The following SLMAP variants were observed in gnomAD, a reference collection of about 807,000 sequenced individuals.
SLMAP encodes sarcolemma associated protein.
In SLMAP, 44 loss-of-function variants were observed where a neutral mutation model predicts 128.8. The observed-to-expected ratio is 0.34, with a 90% CI of 0.27 to 0.44. The LOEUF is 0.44. SLMAP is among the 20% of genes least tolerant of loss of function. The pLI is 1.00. For synonymous variants in SLMAP, 327 were observed against 348.8 expected (o/e 0.94, Z 0.70); for missense variants, 787 against 985.3 (o/e 0.80, Z 2.69).
chr3:57,896,196 G>T, intron 15 of SLMAP: 1 of 1,045,586 alleles, frequency 9.6e-7, no homozygotes, highest in Non-Finnish European at 1.2e-6. Context: ...TACTATATTT[G>T]TTGCAGTTCT....
At chr3:57,865,472 A>G (rs557609864) in intron 13 of SLMAP, among the ~76,000 whole-genome samples, 180 bp downstream of exon 13, 5 of 152,290 alleles carry the variant, frequency 3.3e-5, no homozygotes, top group Non-Finnish European at 5.9e-5. Context: ...GCTGTGATCA[A>G]TTCTTAGATA....
At chr3:57,912,250 A>G in intron 19 of SLMAP, 131 bp from the exon 20 acceptor site, 1 of 668,628 alleles carries the variant, frequency 1.5e-6, no homozygotes, top group Non-Finnish European at 2.5e-6. Flanking sequence ...TTCTGCATCA[A>G]ACGTGGATTG....
At chr3:57,800,827 G>C (rs1203841066) in intron 2 of SLMAP, 1 of 168,516 alleles carries the variant, frequency 5.9e-6, no homozygotes, top group African/African-American at 2.4e-5. Flanking sequence ...CCACAAAGCG[G>C]CTATATTGTA....
At position 57,828,075 on chromosome 3, in the gene SLMAP, C is replaced by G. The variant is rs562408777; in HGVS notation, c.199-3308C>G. Among the ~76,000 whole-genome samples, 218 of 152,318 alleles carry G rather than the reference C, an allele frequency of 1.4e-3. 1 individual carries two copies. Among genetic ancestry groups the G allele is most frequent in the South Asian group, 4.1e-3 (20 of 4,824 alleles). On this transcript the variant is annotated intron_variant, in intron 2 of 24. Coordinates refer to ENST00000671191, the MANE Select transcript of SLMAP (RefSeq NM_001377540.1). The stretch of plus-strand genomic sequence containing the variant: ...GCAATTCTCCTGTCTCAGCCCCTCA[C>G]TGCCGCCGAGTAGCTGGGATAACAG...
At position 57,764,391 on chromosome 3, in the gene SLMAP, A is replaced by G. The variant is rs1416300536; in HGVS notation, c.198+6542A>G. ...GTGGCATGAACCTGAAATCCCAGCT[A>G]CTTGTGAGGCTGAGGCAGGATAATC... On this transcript the variant is annotated intron_variant, in intron 2 of 24. Transcript: ENST00000671191. Among the ~76,000 whole-genome samples the G allele has an allele frequency of 3.3e-5, 5 of 152,014 alleles. 1 individual carries two copies. The highest frequency in any genetic ancestry group is 4.2e-4 in the South Asian group (2 of 4,812).
At chr3:57,779,874 C>G (rs1194135354) in intron 2 of SLMAP, among the ~76,000 whole-genome samples, 1 of 152,020 alleles carries the variant, frequency 6.6e-6, no homozygotes, top group Non-Finnish European at 1.5e-5. Flanking sequence ...ATGACTAAGT[C>G]TTAGTGCTTG....
rs1157170350 is a variant in SLMAP, at chr3:57,853,955, TTATATATATATATATATATATATATATA to T, written c.520-3760_520-3733del. On this transcript the variant is annotated intron_variant, in intron 6 of 24. Transcript: ENST00000671191. ...AAATTCTGTCTCAAAAAAAAAAAAA[TTATATATATATATATATATATATATATA>T]TATATATATATATATATTTACATAT... 2.6e-3 allele frequency among the ~76,000 whole-genome samples: 84 copies of T among 31,944 alleles called. 3 individuals are homozygous for T. Among genetic ancestry groups the T allele is most frequent in the African/African-American group, 9.0e-3 (65 of 7,198 alleles). 21.0% of individuals were successfully genotyped at this position (31,944 alleles called of 152,430 possible).
intron 2 of SLMAP, among the ~76,000 whole-genome samples, chr3:57,822,868 T>G (rs1483028116): frequency 6.6e-6 from 1 of 152,232 alleles, no homozygotes; most frequent in Non-Finnish European, 1.5e-5. Flanking sequence ...AAATCTGTGT[T>G]AGGTCACTGG....
At chr3:57,857,999 A>G (rs1000341164) in intron 7 of SLMAP, 89 bp from the exon 8 acceptor site, 11 of 975,716 alleles carry the variant, frequency 1.1e-5, no homozygotes, top group Non-Finnish European at 1.8e-5. Context: ...ACGCTTTTAT[A>G]TCTTTTGTTG....
rs148044894 is a variant in SLMAP, at chr3:57,907,995, T to G, written c.1613T>G (p.Phe538Cys). 60 of 1,613,340 alleles carry G rather than the reference T, an allele frequency of 3.7e-5. No homozygotes were observed. The highest frequency in any genetic ancestry group is 4.7e-5 in the Non-Finnish European group (55 of 1,179,634). The stretch of plus-strand genomic sequence containing the variant: ...GCTAGAACAAGTAAACAAAAATGCT[T>G]TGAACTTCAAGGTGAGATCAAGATT... ...ELARTSKQKC[F>C]ELQALLEEER... Residue 538 changes from phenylalanine to cysteine, a missense_variant, in exon 18 of 25, where the codon TTT becomes TGT. Physicochemically the swap from Phe to Cys is radical, Grantham distance 205 (BLOSUM62 -2). Coordinates refer to ENST00000671191, the MANE Select transcript of SLMAP (RefSeq NM_001377540.1).
At chr3:57,890,737 A>C (rs2096043505) in intron 15 of SLMAP, 1 of 152,206 alleles carries the variant, frequency 6.6e-6, no homozygotes, top group African/African-American at 2.4e-5. Context: ...TAGGCAAATA[A>C]ATTTGGTGGC....
At chr3:57,889,722 T>G (rs943052522) in intron 14 of SLMAP, among the ~76,000 whole-genome samples, 1 of 152,212 alleles carries the variant, frequency 6.6e-6, no homozygotes, top group Non-Finnish European at 1.5e-5. Flanking sequence ...AATCTTTTAT[T>G]TTAACTTAAT....
intron 6 of SLMAP, among the ~76,000 whole-genome samples, chr3:57,851,718 C>T (rs2094510488): frequency 6.6e-6 from 1 of 151,964 alleles, no homozygotes; most frequent in Non-Finnish European, 1.5e-5. Flanking sequence ...CTCCTGACCT[C>T]AAGTGATCCA....
At chr3:57,789,892 AATGGC>A (rs1294396509) in intron 2 of SLMAP, among the ~76,000 whole-genome samples, 3 of 152,132 alleles carry the variant, frequency 2.0e-5, no homozygotes, top group Non-Finnish European at 4.4e-5. Context: ...GCTGGAGTGC[AATGGC>A]ATGATCTCGG....
chr3:57,810,153 G>A (rs572897029), intron 2 of SLMAP, among the ~76,000 whole-genome samples: 19 of 152,230 alleles, frequency 1.2e-4, no homozygotes, highest in African/African-American at 2.2e-4. Context: ...AGCTGCTTGC[G>A]GTGTGCCTGA....
intron 14 of SLMAP, among the ~76,000 whole-genome samples, chr3:57,885,376 TTTG>T (rs139173960): frequency 0.013 from 1,902 of 150,062 alleles, 28 homozygotes; most frequent in African/African-American, 0.044. Context: ...AGCCAGCTTG[TTTG>T]TTGTTGTTGT....
chr3:57,887,575 A>G (rs562981487), intron 14 of SLMAP, among the ~76,000 whole-genome samples: 1 of 152,192 alleles, frequency 6.6e-6, no homozygotes, highest in Non-Finnish European at 1.5e-5. Flanking sequence ...CTACATGTCC[A>G]TGGTGAGGAA....
At chr3:57,861,881 T>C (rs1459834306) in intron 9 of SLMAP, 68 bp from the exon 10 acceptor site, 3 of 1,343,662 alleles carry the variant, frequency 2.2e-6, no homozygotes, top group Non-Finnish European at 3.1e-6. Context: ...TAAATTTCAT[T>C]TAGAAGGAAT....
chr3:57,844,711 C>CTTTTT lies in SLMAP; in HGVS notation c.420-2470_420-2466dup, dbSNP rs35011644. ...ATTATACCATTTGTTTCTATTTAGA[C>CTTTTT]TTTTTTTTTTTTTTTTTTTTGGAGA... On this transcript the variant is annotated intron_variant, in intron 4 of 24. Coordinates refer to ENST00000671191, the MANE Select transcript of SLMAP (RefSeq NM_001377540.1). Among the ~76,000 whole-genome samples the CTTTTT allele has an allele frequency of 3.3e-5, 3 of 92,262 alleles. No individual in the cohort carries two copies. In the South Asian group the frequency reaches 1.2e-3, roughly 36 times the overall value. 60.5% of individuals were successfully genotyped at this position (92,262 alleles called of 152,430 possible). A position where few individuals can be genotyped will look rare whatever the true frequency, so the allele number is the denominator to read the frequency against.
Sources: gnomAD v4.1 joint callset for allele counts (sites outside exome capture counted in the v4.1 genomes callset) on GRCh38, gnomAD v4.1.1 for gene constraint, MANE v1.5 for transcripts, NCBI Gene and HGNC (gene_info 2026-07-23, HGNC 2026-07-21) for gene names.